Variants in SUMF1 observed in about 807,000 individuals in gnomAD.
SUMF1 encodes the protein sulfatase modifying factor 1.
SUMF1 carries 48 observed loss-of-function variants against 47.6 expected under a neutral mutation model. The ratio of observed to expected loss-of-function variants is 1.01; its 90% confidence interval spans 0.80 to 1.28. The LOEUF (loss-of-function observed/expected upper bound fraction) is 1.28, where lower values mean the gene tolerates loss of function less well. Ranked by LOEUF, SUMF1 falls within the 50% of genes most tolerant of loss-of-function variation. SUMF1 has a pLI of 0.00. For synonymous variants in SUMF1, 230 were observed against 192.1 expected, an observed-to-expected ratio of 1.20 and a Z score of -1.63; for missense variants, 571 against 485.4, an observed-to-expected ratio of 1.18 and a Z score of -1.66.
chr3:4,240,379 T>G (rs1218634489), intron 8 of SUMF1, among the ~76,000 whole-genome samples: 1 of 152,142 alleles, frequency 6.6e-6, no homozygotes, highest in Non-Finnish European at 1.5e-5. Flanking sequence ...CAGGTGTGAA[T>G]CCATCTGGTC....
chr3:4,055,985 G>A (rs1274443877), intron 9 of SUMF1, among the ~76,000 whole-genome samples: 1 of 152,026 alleles, frequency 6.6e-6, no homozygotes. Flanking sequence ...ACTTCCTGAT[G>A]CTGCCATCTC....
chr3:4,456,790 G>GTA, intron 1 of SUMF1, among the ~76,000 whole-genome samples: 1 of 2,270 alleles, frequency 4.4e-4, no homozygotes, highest in African/African-American at 1.1e-3. Flanking sequence ...ACGTGTGTGT[G>GTA]TATATATACG....
At chr3:4,458,728 C>T (rs539457335) in intron 1 of SUMF1, among the ~76,000 whole-genome samples, 3 of 152,066 alleles carry the variant, frequency 2.0e-5, no homozygotes, top group South Asian at 2.1e-4. Flanking sequence ...TGGTGGCGGG[C>T]GCCTGTAGTC....
chr3:4,076,286 G>T (rs1307316051), intron 8 of SUMF1, among the ~76,000 whole-genome samples: 1 of 151,858 alleles, frequency 6.6e-6, no homozygotes, highest in Non-Finnish European at 1.5e-5. Context: ...AACTGGCTAG[G>T]CATATGTAGA....
rs538649474 is a variant in SUMF1, at chr3:4,257,840, C to A, written c.1014+118490G>T. Among the ~76,000 whole-genome samples, 69 of 151,624 alleles carry A rather than the reference C, an allele frequency of 4.6e-4. 2 individuals carry two copies. The South Asian group carries it at 0.014, about 31-fold the overall frequency. On this transcript the variant is annotated intron_variant and NMD_transcript_variant, in intron 8 of 12. Coordinates refer to the SUMF1 transcript ENST00000448413. ...GCCAAAAGAACAAAGCTGGAAGCAT[C>A]ACGCTACCTGACTTCAAACTATACT...
At chr3:4,402,743 A>G (rs1201049643) in intron 7 of SUMF1, among the ~76,000 whole-genome samples, 1 of 152,188 alleles carries the variant, frequency 6.6e-6, no homozygotes, top group African/African-American at 2.4e-5. Context: ...ACAAAATAAA[A>G]TCTCATGGAG....
intron 3 of SUMF1, among the ~76,000 whole-genome samples, chr3:4,422,610 T>G (rs1358744619): frequency 1.3e-5 from 2 of 152,118 alleles, no homozygotes; most frequent in African/African-American, 2.4e-5. Flanking sequence ...TAAAAGAGTT[T>G]GTGGCTTTTG....
intron 8 of SUMF1, among the ~76,000 whole-genome samples, chr3:4,079,833 C>T (rs1435812709): frequency 6.6e-6 from 1 of 151,194 alleles, no homozygotes; most frequent in Non-Finnish European, 1.5e-5. Flanking sequence ...TCTTTTAAAC[C>T]TACAGATGGA....
chr3:4,059,475 G>A (rs1695242951), intron 9 of SUMF1, among the ~76,000 whole-genome samples: 1 of 152,104 alleles, frequency 6.6e-6, no homozygotes, highest in East Asian at 1.9e-4. Flanking sequence ...TAACCAAGAA[G>A]ATGATGGTGA....
chr3:4,340,497 T>C (rs1432736987), intron 8 of SUMF1, among the ~76,000 whole-genome samples: 1 of 152,166 alleles, frequency 6.6e-6, no homozygotes, highest in Non-Finnish European at 1.5e-5. Flanking sequence ...CACATGTATA[T>C]TTCAAAAAGA....
intron 8 of SUMF1, among the ~76,000 whole-genome samples, chr3:4,263,354 A>G (rs1264812804): frequency 6.6e-6 from 1 of 152,196 alleles, no homozygotes; most frequent in African/African-American, 2.4e-5. Flanking sequence ...TTCCAAAACA[A>G]TTCAAGGTAA....
chr3:4,141,343 T>A (rs563086642), intron 8 of SUMF1, among the ~76,000 whole-genome samples: 1 of 152,126 alleles, frequency 6.6e-6, no homozygotes, highest in South Asian at 2.1e-4. Flanking sequence ...GGAGAAGAAA[T>A]TGAAATCCAT....
intron 8 of SUMF1, among the ~76,000 whole-genome samples, chr3:4,350,407 T>C (rs951543674): frequency 2.6e-5 from 4 of 151,734 alleles, no homozygotes; most frequent in African/African-American, 9.7e-5. Flanking sequence ...ATATATTCAA[T>C]ATATATCCAT....
intron 8 of SUMF1, among the ~76,000 whole-genome samples, chr3:4,176,832 G>A (rs1017872136): frequency 6.6e-6 from 1 of 152,056 alleles, no homozygotes; most frequent in South Asian, 2.1e-4. Context: ...CAAAATGAAG[G>A]GATAGAGGAA....
chr3:4,137,695 CAACT>C (rs935889508), intron 8 of SUMF1, among the ~76,000 whole-genome samples: 14 of 152,074 alleles, frequency 9.2e-5, no homozygotes, highest in Non-Finnish European at 2.1e-4. Context: ...AAAAATTCCA[CAACT>C]AACATCATAC....
chr3:4,133,998 G>A (rs1292853549), intron 8 of SUMF1, among the ~76,000 whole-genome samples: 1 of 151,932 alleles, frequency 6.6e-6, no homozygotes, highest in Non-Finnish European at 1.5e-5. Flanking sequence ...GCCACTAGAA[G>A]GGGCACACAC....
intron 8 of SUMF1, among the ~76,000 whole-genome samples, chr3:4,297,039 C>A (rs955252873): frequency 1.3e-5 from 2 of 152,136 alleles, no homozygotes; most frequent in Admixed American, 1.3e-4. Flanking sequence ...ACCAAATAAA[C>A]CTACCTCTCA....
chr3:4,101,050 C>T (rs978559968), intron 8 of SUMF1, among the ~76,000 whole-genome samples: 8 of 151,738 alleles, frequency 5.3e-5, no homozygotes, highest in East Asian at 1.9e-4. Flanking sequence ...TATACACCGT[C>T]GGTGATATTA....
At chr3:4,282,080 G>A (rs1158374421) in intron 8 of SUMF1, among the ~76,000 whole-genome samples, 1 of 152,132 alleles carries the variant, frequency 6.6e-6, no homozygotes, top group African/African-American at 2.4e-5. Flanking sequence ...TACATTTAAT[G>A]TTGTCTAGAG....
Sources: allele counts gnomAD v4.1 joint callset (sites outside exome capture counted in the v4.1 genomes callset), GRCh38; gene constraint gnomAD v4.1.1; transcripts MANE v1.5; gene names NCBI Gene and HGNC (gene_info 2026-07-23, HGNC 2026-07-21).